Variants in BLTP1 observed in about 807,000 individuals in gnomAD.
BLTP1 encodes the protein bridge-like lipid transfer protein family member 1, also known as fragile site-associated protein.
the BLTP1 span, chr4:122,250,013 A>G: frequency 1.1e-6 from 1 of 939,300 alleles, no homozygotes; most frequent in South Asian, 4.9e-5. Flanking sequence ...ATTATGCCAT[A>G]TAGGATATAA....
the BLTP1 span, chr4:122,274,783 A>T: frequency 2.0e-5 from 4 of 204,532 alleles, no homozygotes; most frequent in East Asian, 7.4e-4. Context: ...CACATCCAAC[A>T]TGACTAAATA....
chr4:122,175,869 A>ATTT, the BLTP1 span: 1 of 1,580,998 alleles, frequency 6.3e-7, no homozygotes, highest in Non-Finnish European at 8.7e-7. Context: ...TGGATTCATC[A>ATTT]TTTTTCGGTG....
chr4:122,163,439 T>C, the BLTP1 span, among the ~76,000 whole-genome samples: 1 of 152,126 alleles, frequency 6.6e-6, no homozygotes, highest in Non-Finnish European at 1.5e-5. Flanking sequence ...GTCCCTGGAG[T>C]GCAAGCTGAG....
At chr4:122,280,606 T>TGAGCCAAGACTGCACC in the BLTP1 span, among the ~76,000 whole-genome samples, 1 of 145,250 alleles carries the variant, frequency 6.9e-6, no homozygotes, top group Non-Finnish European at 1.5e-5. Context: ...GAGGTTGCAG[T>TGAGCCAAGACTGCACC]GAGCCAAGAC....
the BLTP1 span, chr4:122,182,919 C>A: frequency 1.0e-6 from 1 of 984,354 alleles, no homozygotes; most frequent in African/African-American, 1.7e-5. Context: ...AAAACCACCT[C>A]TTTCTTGAAA....
At chr4:122,286,978 C>T in the BLTP1 span, among the ~76,000 whole-genome samples, 1 of 151,992 alleles carries the variant, frequency 6.6e-6, no homozygotes, top group Non-Finnish European at 1.5e-5. Context: ...AGTCTGACTA[C>T]CCTGTAGTTT....
At chr4:122,193,747 C>T in the BLTP1 span, 2 of 652,540 alleles carry the variant, frequency 3.1e-6, no homozygotes, top group Non-Finnish European at 3.8e-6. Flanking sequence ...TATTACGGGG[C>T]CATTGATAGA....
At chr4:122,228,537 A>C in the BLTP1 span, among the ~76,000 whole-genome samples, 7 of 152,310 alleles carry the variant, frequency 4.6e-5, no homozygotes, top group Admixed American at 1.3e-4. Context: ...CTCTGCCACT[A>C]ATGAGCATTT....
the BLTP1 span, among the ~76,000 whole-genome samples, chr4:122,294,744 G>C: frequency 6.6e-6 from 1 of 152,200 alleles, no homozygotes; most frequent in Non-Finnish European, 1.5e-5. Flanking sequence ...CAGCAAGGGC[G>C]CAGGACTGGG....
chr4:122,356,852 T>C, the BLTP1 span: 8 of 1,495,652 alleles, frequency 5.3e-6, no homozygotes, highest in South Asian at 8.1e-5. Context: ...ATGAGTGGAA[T>C]ATATCTCCCG....
the BLTP1 span, chr4:122,271,177 C>T: frequency 6.2e-7 from 1 of 1,613,970 alleles, no homozygotes; most frequent in African/African-American, 1.3e-5. Flanking sequence ...ATTATAACAC[C>T]TTTCACTGCA....
chr4:122,250,992 C>T, the BLTP1 span: 1 of 984,954 alleles, frequency 1.0e-6, no homozygotes, highest in Middle Eastern at 5.2e-4. Context: ...TTCTGAATGG[C>T]ACCTTATATT....
At chr4:122,247,404 A>G in the BLTP1 span, 1 of 1,602,158 alleles carries the variant, frequency 6.2e-7, no homozygotes, top group Non-Finnish European at 8.5e-7. Context: ...ATATAAATGT[A>G]AGATGATTTT....
the BLTP1 span, among the ~76,000 whole-genome samples, chr4:122,255,774 A>G: frequency 6.6e-6 from 1 of 152,224 alleles, no homozygotes; most frequent in Non-Finnish European, 1.5e-5. Flanking sequence ...CAGGAATGCT[A>G]TGTTGGGTAA....
At chr4:122,172,925 G>A in the BLTP1 span, 7 of 1,567,024 alleles carry the variant, frequency 4.5e-6, no homozygotes, top group Admixed American at 1.2e-4. Flanking sequence ...AAGAAAGCTG[G>A]ATAAAGTATA....
chr4:122,317,224 C>T, the BLTP1 span, among the ~76,000 whole-genome samples: 1 of 151,614 alleles, frequency 6.6e-6, no homozygotes, highest in African/African-American at 2.4e-5. Flanking sequence ...CCCTGCTACT[C>T]GGGAGGCTGA....
the BLTP1 span, among the ~76,000 whole-genome samples, chr4:122,322,800 G>T: frequency 2.0e-5 from 3 of 151,986 alleles, no homozygotes; most frequent in African/African-American, 7.3e-5. Context: ...CCCTTCCCCA[G>T]GTCAGTTATA....
the BLTP1 span, chr4:122,210,863 C>CT: frequency 1.2e-4 from 187 of 1,604,738 alleles, 1 homozygote; most frequent in Non-Finnish European, 1.5e-4. Context: ...AAACATTAGT[C>CT]TTTTTTTTCT....
the BLTP1 span, chr4:122,328,603 T>C: frequency 4.2e-6 from 4 of 962,510 alleles, no homozygotes; most frequent in Non-Finnish European, 4.9e-6. Flanking sequence ...AGTTTAATTA[T>C]CTAAAATAAA....
Sources: allele counts gnomAD v4.1 joint callset (sites outside exome capture counted in the v4.1 genomes callset), GRCh38; gene constraint gnomAD v4.1.1; transcripts MANE v1.5; gene names NCBI Gene and HGNC (gene_info 2026-07-23, HGNC 2026-07-21).